MAPK8IP3: variants seen among roughly 807,000 people sequenced by gnomAD.
The protein encoded by MAPK8IP3 is mitogen-activated protein kinase 8 interacting protein 3.
In MAPK8IP3, 49 loss-of-function variants were observed where a neutral mutation model predicts 157.8. That is an observed-to-expected ratio of 0.31 (90% confidence interval 0.25 to 0.39). The LOEUF is 0.39. Ranked by LOEUF, MAPK8IP3 falls within the 10% of genes least tolerant of loss-of-function variation. MAPK8IP3 has a pLI of 1.00. For synonymous variants in MAPK8IP3, 897 were observed against 777.7 expected, an observed-to-expected ratio of 1.15 and a Z score of -2.55; for missense variants, 1,478 against 1,889.4, an observed-to-expected ratio of 0.78 and a Z score of 4.04.
intron 5 of MAPK8IP3, chr16:1,746,328 C>G (rs973426251): frequency 2.0e-5 from 3 of 152,252 alleles, no homozygotes; most frequent in African/African-American, 7.2e-5. Flanking sequence ...GCGCTCCTCC[C>G]TAGCGAGCTT....
At chr16:1,733,720 T>A (rs1175914763) in intron 4 of MAPK8IP3, among the ~76,000 whole-genome samples, 1 of 151,912 alleles carries the variant, frequency 6.6e-6, no homozygotes, top group East Asian at 1.9e-4. Flanking sequence ...ACTGCTGGGG[T>A]CCCCTCTGCA....
At chr16:1,757,001 C>T (rs1161978759) in intron 8 of MAPK8IP3, among the ~76,000 whole-genome samples, 7 of 151,852 alleles carry the variant, frequency 4.6e-5, no homozygotes, top group African/African-American at 9.7e-5. Context: ...CAGTGGTTGC[C>T]CTGGGAAGCC....
chr16:1,762,410 C>T lies in MAPK8IP3; in HGVS notation c.1599C>T (p.Leu533=). 2 of 1,604,026 alleles carry T rather than the reference C, an allele frequency of 1.2e-6. No homozygotes were observed. The highest frequency in any genetic ancestry group is 4.5e-5 in the East Asian group (2 of 44,354). The change falls in exon 14 of 32, where the codon CTC becomes CTT. Residue 533 remains leucine (L), a synonymous_variant. Coordinates refer to ENST00000610761, the MANE Select transcript of MAPK8IP3 (RefSeq NM_001318852.2). ...CGCGGGTGGAGATGGCCCGTGTGCT[C>T]ATGGAGCGGAACCAGTACAAGGAGC... ...RFTRVEMARV[L]MERNQYKERL...
At chr16:1,767,325 G>A (rs761811354) in intron 26 of MAPK8IP3, 28 bp downstream of exon 26, 2 of 1,611,428 alleles carry the variant, frequency 1.2e-6, no homozygotes, top group East Asian at 2.2e-5. Flanking sequence ...CCCCGGGGAG[G>A]GGAAGAGGCT....
rs1364162563 is a variant in MAPK8IP3 at position 1,759,979 on chromosome 16, A to G, written c.1268A>G (p.Asn423Ser). 1 of 1,614,214 alleles carries G rather than the reference A, an allele frequency of 6.2e-7. No individual in the cohort carries two copies. The highest frequency in any genetic ancestry group is 8.5e-7 in the Non-Finnish European group (1 of 1,180,024). The change falls in exon 11 of 32, where the codon AAT becomes AGT. Residue 423 changes from asparagine (N) to serine (S), a missense_variant. Asn to Ser is a conservative substitution (Grantham distance 46). Coordinates refer to ENST00000610761, the MANE Select transcript of MAPK8IP3 (RefSeq NM_001318852.2). ...DFFGMGKEVGNLLLENSQLLE... is the reference protein window; with the variant it reads ...DFFGMGKEVGSLLLENSQLLE... ...TCAGGAATGGGCAAAGAAGTGGGGA[A>G]TCTGCTACTGGAAAACTCACAGCTT...
At position 1,706,696 on chromosome 16, in the gene MAPK8IP3, G is replaced by T. The variant is rs2037406464; in HGVS notation, c.318+39G>T. 6.7e-7 allele frequency: 1 copy of T among 1,502,280 alleles called. No homozygotes were observed. Among genetic ancestry groups the T allele is most frequent in the Non-Finnish European group, 8.9e-7 (1 of 1,126,660 alleles). 93.1% of individuals were successfully genotyped at this position (1,502,280 alleles called of 1,614,324 possible). ...GGGACCCGCCCGCATCCCCGTCCCG[G>T]ACCCCCAGCCAGCCCCGGGCCCCGG... On this transcript the variant is annotated intron_variant, in intron 1 of 31. Coordinates refer to ENST00000610761, the MANE Select transcript of MAPK8IP3 (RefSeq NM_001318852.2). The surrounding 1 kb of genome is among the most constrained non-coding windows in gnomAD (Gnocchi z 5.1).
rs1438742877 is a variant in MAPK8IP3 at position 1,747,173 on chromosome 16, G to A, written c.892G>A (p.Asp298Asn). ...PLNESLQPLG[D>N]YGVGSKNSKR... The stretch of plus-strand genomic sequence containing the variant: ...CAACGAGAGCCTGCAGCCCCTGGGG[G>A]ACTATGGCGTGGGCTCCAAGAACAG... The change falls in exon 6 of 32, where the codon GAC (aspartate) becomes AAC (asparagine). Residue 298 changes from aspartate to asparagine, a missense_variant. By Grantham distance (23) the Asp-to-Asn change is conservative. Coordinates refer to ENST00000610761, the MANE Select transcript of MAPK8IP3 (RefSeq NM_001318852.2). The A allele has an allele frequency of 6.2e-7, 1 of 1,614,008 alleles. No individual in the cohort carries two copies. The highest frequency in any genetic ancestry group is 1.7e-5 in the Admixed American group (1 of 60,024).
chr16:1,763,613 C>G (rs933118015), intron 16 of MAPK8IP3, 44 bp from the exon 17 acceptor site: 1 of 1,473,908 alleles, frequency 6.8e-7, no homozygotes, highest in Non-Finnish European at 9.1e-7. Context: ...CTGTGGGGGC[C>G]GCTCACCCTG....
chr16:1,710,595 C>T lies in MAPK8IP3; in HGVS notation c.318+3938C>T, dbSNP rs2037708897. On this transcript the variant is annotated intron_variant, in intron 1 of 31. Transcript: ENST00000610761. This position sits in a 1 kb window ranked among gnomAD's most constrained non-coding sequence, Gnocchi z 4.1. ...CGCTCTACAGAGATGATCAGTCTGC[C>T]ATTTTTCCTTCTTTTTTTCTCCTCT... Among the ~76,000 whole-genome samples, 1 of 152,154 alleles carries T rather than the reference C, an allele frequency of 6.6e-6. No homozygotes were observed. Among genetic ancestry groups the T allele is most frequent in the Admixed American group, 6.5e-5 (1 of 15,270 alleles).
intron 4 of MAPK8IP3, among the ~76,000 whole-genome samples, chr16:1,736,572 GTCCGTGTGAGCGTGTGACCA>G (rs2039866604): frequency 1.2e-5 from 1 of 83,816 alleles, no homozygotes. Context: ...GTGTGTGACC[GTCCGTGTGAGCGTGTGACCA>G]TCCATGTGAG....
intron 8 of MAPK8IP3, among the ~76,000 whole-genome samples, chr16:1,749,156 G>A (rs1008259967): frequency 1.3e-5 from 2 of 152,218 alleles, no homozygotes; most frequent in African/African-American, 2.4e-5. Context: ...TGCAGAACTC[G>A]TGGGTATTGA....
chr16:1,768,537 C>T lies in MAPK8IP3; in HGVS notation c.3803C>T (p.Pro1268Leu). ...GACAGCCCAGCCGAGGGCCCTGGGC[C>T]AGCTGCCCCTGCCTCGGAGGTCGAG... The part of the protein sequence containing the change: ...VLDSPAEGPG[P>L]AAPASEVEGQ... The change falls in exon 31 of 32, where the codon CCA becomes CTA. Residue 1268 changes from proline (P) to leucine (L), a missense_variant. Pro to Leu is a moderately conservative substitution (Grantham distance 98). Transcript: ENST00000610761. The T allele has an allele frequency of 6.4e-7, 1 of 1,562,196 alleles. No individual in the cohort carries two copies. The highest frequency in any genetic ancestry group is 8.7e-7 in the Non-Finnish European group (1 of 1,154,742).
chr16:1,761,397 G>T, intron 13 of MAPK8IP3, 92 bp downstream of exon 13: 1 of 1,126,340 alleles, frequency 8.9e-7, no homozygotes, highest in South Asian at 1.2e-5. Flanking sequence ...CACACAGGGT[G>T]ACCACCATTC....
Position 1,743,863 on chromosome 16 carries a change from TGA to T in MAPK8IP3, c.747+391_747+392del, listed in dbSNP as rs1373706478. 3 of 1,088,726 alleles carry T rather than the reference TGA, an allele frequency of 2.8e-6. No homozygotes were observed. The Admixed American group carries it at 1.7e-4, about 62-fold the overall frequency. 67.4% of individuals were successfully genotyped at this position (1,088,726 alleles called of 1,614,324 possible). ...GCTCCAGCCAGACACATCCTGCCCCTGAGAGCCACGCCTCTACTCTCGGAGGA... is the reference window on the plus strand; with the variant it reads ...GCTCCAGCCAGACACATCCTGCCCCTGAGCCACGCCTCTACTCTCGGAGGA... On this transcript the variant is annotated intron_variant, in intron 5 of 31. Transcript: ENST00000610761. This position sits in a 1 kb window ranked among gnomAD's most constrained non-coding sequence, Gnocchi z 5.6.
chr16:1,721,439 A>T (rs2038515076), intron 1 of MAPK8IP3, among the ~76,000 whole-genome samples: 1 of 152,204 alleles, frequency 6.6e-6, no homozygotes, highest in Non-Finnish European at 1.5e-5. Context: ...TATCTCTACA[A>T]AACCTTTTTT....
In MAPK8IP3 at chr16:1,768,437, C is replaced by A. The variant is rs376086256; in HGVS notation, c.3743-40C>A. On this transcript the variant is annotated intron_variant, in intron 30 of 31. Coordinates refer to ENST00000610761, the MANE Select transcript of MAPK8IP3 (RefSeq NM_001318852.2). ...CTGCATGCCAGTGGCCGCCGCCTCC[C>A]CCAGGAGGCCGCTGTCCTGAATCGC... 234 of 1,592,568 alleles carry A rather than the reference C, an allele frequency of 1.5e-4. 1 individual carries two copies. The African/African-American group carries it at 2.8e-3, about 19-fold the overall frequency.
rs1183408395 is a variant in MAPK8IP3 at position 1,742,721 on chromosome 16, C to A, written c.603-611C>A. On this transcript the variant is annotated intron_variant, in intron 4 of 31. Coordinates refer to ENST00000610761, the MANE Select transcript of MAPK8IP3 (RefSeq NM_001318852.2). This position sits in a 1 kb window ranked among gnomAD's most constrained non-coding sequence, Gnocchi z 5.0. ...GGCTGGGCACACATAAGACAATGGT[C>A]CTAAAAGGCATTGCTCATGGTGGCC... 2.6e-5 allele frequency among the ~76,000 whole-genome samples: 4 copies of A among 152,154 alleles called. No individual in the cohort carries two copies. The highest frequency in any genetic ancestry group is 5.9e-5 in the Non-Finnish European group (4 of 68,024).
chr16:1,729,353 G>A, intron 3 of MAPK8IP3, 134 bp from the exon 4 acceptor site: 1 of 1,265,688 alleles, frequency 7.9e-7, no homozygotes, highest in Non-Finnish European at 1.1e-6. Flanking sequence ...GTCAGCCCCA[G>A]GCTGGTTAGA....
intron 4 of MAPK8IP3, among the ~76,000 whole-genome samples, chr16:1,735,639 A>C (rs1000438922): frequency 1.8e-5 from 2 of 109,446 alleles, no homozygotes; most frequent in African/African-American, 7.4e-5. Flanking sequence ...GTGACTGTCC[A>C]TGTGAGTGTG....
Sources: allele counts gnomAD v4.1 joint callset (sites outside exome capture counted in the v4.1 genomes callset), GRCh38; gene constraint gnomAD v4.1.1; non-coding constraint Gnocchi (gnomAD v3.1); transcripts MANE v1.5; gene names NCBI Gene and HGNC (gene_info 2026-07-23, HGNC 2026-07-21).